Variants in PARN observed in about 807,000 individuals in gnomAD.
PARN encodes poly(A)-specific ribonuclease, also known as poly(A)-specific ribonuclease PARN.
PARN carries 71 observed loss-of-function variants against 102.8 expected under a neutral mutation model. The ratio of observed to expected loss-of-function variants is 0.69; its 90% CI spans 0.57 to 0.84. The LOEUF (loss-of-function observed/expected upper bound fraction) is 0.84. Among genes scored for constraint, PARN ranks in the 40% least tolerant of loss-of-function variants. PARN has a pLI of 0.00. For missense variants in PARN, 782 were observed against 760.9 expected (o/e 1.03, Z -0.33); for synonymous variants, 261 against 252.9 (o/e 1.03, Z -0.30).
intron 18 of PARN, among the ~76,000 whole-genome samples, chr16:14,574,723 A>G (rs1253071701): frequency 6.6e-6 from 1 of 152,168 alleles, no homozygotes; most frequent in Non-Finnish European, 1.5e-5. Context: ...AAAAAAAAAG[A>G]AAAGAAAATC....
chr16:14,551,212 G>A (rs1029530274), intron 21 of PARN, among the ~76,000 whole-genome samples: 8 of 151,648 alleles, frequency 5.3e-5, no homozygotes, highest in South Asian at 2.1e-4. Context: ...GATTACAAGC[G>A]TGAGCCACCA....
chr16:14,495,263 G>C (rs921328369), intron 21 of PARN, among the ~76,000 whole-genome samples: 1 of 152,072 alleles, frequency 6.6e-6, no homozygotes, highest in African/African-American at 2.4e-5. Context: ...AAGGCGAGAG[G>C]ATCACTCGAG....
chr16:14,595,995 T>C (rs765051513), intron 12 of PARN, among the ~76,000 whole-genome samples: 1 of 152,106 alleles, frequency 6.6e-6, no homozygotes, highest in Non-Finnish European at 1.5e-5. Context: ...CACACACACA[T>C]ACATATACAG....
At chr16:14,482,602 C>T (rs749876339) in intron 22 of PARN, 36 bp downstream of exon 22, 1 of 1,499,008 alleles carries the variant, frequency 6.7e-7, no homozygotes, top group South Asian at 1.3e-5. Flanking sequence ...ATTGCTAGAA[C>T]TCTGGCCTTT....
At chr16:14,448,898 T>C (rs1320182409) in intron 22 of PARN, among the ~76,000 whole-genome samples, 2 of 152,222 alleles carry the variant, frequency 1.3e-5, no homozygotes, top group African/African-American at 2.4e-5. Context: ...AGGATATTAA[T>C]GGTAATGTTT....
intron 18 of PARN, among the ~76,000 whole-genome samples, chr16:14,574,218 C>T (rs989084637): frequency 3.9e-5 from 6 of 151,954 alleles, no homozygotes; most frequent in Admixed American, 3.3e-4. Flanking sequence ...TATGTTTTAG[C>T]AGACACTGGC....
chr16:14,444,317 T>C (rs1312170743), intron 23 of PARN, among the ~76,000 whole-genome samples: 1 of 151,848 alleles, frequency 6.6e-6, no homozygotes. Context: ...CTTTTTTTTT[T>C]GGCAGCACTG....
At chr16:14,624,560 A>G (rs1007018713) in intron 5 of PARN, among the ~76,000 whole-genome samples, 1 of 152,220 alleles carries the variant, frequency 6.6e-6, no homozygotes, top group African/African-American at 2.4e-5. Flanking sequence ...ACAATGGGTG[A>G]AGTTCCTCTG....
intron 22 of PARN, among the ~76,000 whole-genome samples, chr16:14,480,190 G>A (rs912975711): frequency 7.9e-5 from 12 of 151,954 alleles, no homozygotes; most frequent in Non-Finnish European, 1.6e-4. Flanking sequence ...AAAATTACGC[G>A]GGCGTGGTGG....
intron 23 of PARN, among the ~76,000 whole-genome samples, chr16:14,440,899 G>A (rs1960912779): frequency 6.6e-6 from 1 of 152,156 alleles, no homozygotes; most frequent in African/African-American, 2.4e-5. Flanking sequence ...GAAATTTCTG[G>A]AGTGATGGAG....
intron 21 of PARN, among the ~76,000 whole-genome samples, chr16:14,520,302 AG>A (rs1965670560): frequency 6.6e-6 from 1 of 152,230 alleles, no homozygotes; most frequent in Admixed American, 6.5e-5. Flanking sequence ...TCTTGACTTC[AG>A]TGGAAAAAGA....
At chr16:14,500,406 G>GT (rs963738003) in intron 21 of PARN, among the ~76,000 whole-genome samples, 18 of 151,150 alleles carry the variant, frequency 1.2e-4, no homozygotes, top group Admixed American at 2.6e-4. Context: ...GTTTTGTTTT[G>GT]TTTTTTTAAG....
intron 18 of PARN, among the ~76,000 whole-genome samples, chr16:14,580,370 C>T (rs1450996250): frequency 6.6e-6 from 1 of 152,006 alleles, no homozygotes; most frequent in Admixed American, 6.5e-5. Context: ...TCACTGCAAC[C>T]TCTGCCACCT....
chr16:14,489,469 C>T (rs1346573315), intron 21 of PARN, among the ~76,000 whole-genome samples: 1 of 149,494 alleles, frequency 6.7e-6, no homozygotes, highest in African/African-American at 2.5e-5. Context: ...AAAATTCTAG[C>T]TTTTCCATTG....
intron 6 of PARN, 27 bp downstream of exon 6, chr16:14,617,563 C>G (rs766585056): frequency 8.7e-7 from 1 of 1,145,594 alleles, no homozygotes; most frequent in Non-Finnish European, 1.3e-6. Flanking sequence ...TTTATAAGCT[C>G]TAAAGATAGG....
chr16:14,542,264 T>C (rs560058082), intron 21 of PARN, among the ~76,000 whole-genome samples: 8 of 151,838 alleles, frequency 5.3e-5, no homozygotes, highest in South Asian at 4.2e-4. Flanking sequence ...CCTTTGCCTC[T>C]ACAAGTACTA....
chr16:14,625,967 A>C (rs1972624404), intron 5 of PARN, among the ~76,000 whole-genome samples: 1 of 152,232 alleles, frequency 6.6e-6, no homozygotes, highest in African/African-American at 2.4e-5. Context: ...ACAGATAATC[A>C]AAAGAGCAGA....
intron 21 of PARN, among the ~76,000 whole-genome samples, chr16:14,504,968 G>A (rs1002374383): frequency 2.6e-5 from 4 of 152,206 alleles, no homozygotes; most frequent in African/African-American, 7.2e-5. Flanking sequence ...TACAGTGTAC[G>A]TGCAGTGCTA....
At chr16:14,613,586 G>A (rs977533563) in intron 6 of PARN, among the ~76,000 whole-genome samples, 1 of 151,658 alleles carries the variant, frequency 6.6e-6, no homozygotes, top group Non-Finnish European at 1.5e-5. Context: ...TCACGCCACT[G>A]CACTCCAGCC....
Sources: gnomAD v4.1 joint callset for allele counts (sites outside exome capture counted in the v4.1 genomes callset) on GRCh38, gnomAD v4.1.1 for gene constraint, MANE v1.5 for transcripts, NCBI Gene and HGNC (gene_info 2026-07-23, HGNC 2026-07-21) for gene names.